Variants in SSBP4 observed in about 807,000 individuals in gnomAD.
SSBP4 encodes single stranded DNA binding protein 4.
A neutral mutation model predicts 64.6 loss-of-function variants in SSBP4; 33 were observed. The observed-to-expected ratio is 0.51, with a 90% CI of 0.39 to 0.68. The LOEUF (loss-of-function observed/expected upper bound fraction) is 0.68, where lower values mean the gene tolerates loss of function less well. Among genes scored for constraint, SSBP4 ranks in the 30% least tolerant of loss-of-function variants. SSBP4 has a pLI of 0.00. For missense variants in SSBP4, 583 were observed against 566.8 expected, an observed-to-expected ratio of 1.03 and a Z score of -0.29; for synonymous variants, 243 against 224.0, an observed-to-expected ratio of 1.08 and a Z score of -0.76.
At chr19:18,409,420 C>T in the SSBP4 span, among the ~76,000 whole-genome samples, 1 of 152,262 alleles carries the variant, frequency 6.6e-6, no homozygotes, top group East Asian at 1.9e-4. Context: ...CTCCTCAGCT[C>T]AGGCAATCTG....
chr19:18,422,137 G>A (rs916630633), intron 1 of SSBP4, among the ~76,000 whole-genome samples: 1 of 152,130 alleles, frequency 6.6e-6, no homozygotes, highest in Admixed American at 6.5e-5. Context: ...CTCCAGCCTG[G>A]GTGACAGGGC....
In SSBP4 at chr19:18,433,184, T is replaced by A; in HGVS notation, c.962T>A (p.Met321Lys). 1 of 1,585,602 alleles carries A rather than the reference T, an allele frequency of 6.3e-7. No individual in the cohort carries two copies. The highest frequency in any genetic ancestry group is 8.6e-7 in the Non-Finnish European group (1 of 1,166,634). The change falls in exon 15 of 18, where the codon ATG becomes AAG. Residue 321 changes from methionine (M) to lysine (K), a missense_variant. Coordinates refer to ENST00000270061, the MANE Select transcript of SSBP4 (RefSeq NM_032627.5). ...GGCCCCATGGCCGCCATGAGCGCGATGGAGCCTCACCACGTGAACGGATCC... is the reference window on the plus strand; with the variant it reads ...GGCCCCATGGCCGCCATGAGCGCGAAGGAGCCTCACCACGTGAACGGATCC... Reference protein sequence around the residue: ...PEGPMAAMSAMEPHHVNGSLG... With the variant: ...PEGPMAAMSAKEPHHVNGSLG...
upstream of SSBP4, among the ~76,000 whole-genome samples, chr19:18,418,256 G>A (rs907719929): frequency 2.6e-5 from 4 of 152,118 alleles, no homozygotes; most frequent in South Asian, 8.3e-4. The surrounding 1 kb of genome is among the most constrained non-coding windows in gnomAD (Gnocchi z 6.7). Context: ...GGCTTGCCTA[G>A]GAAAAAAGAG....
chr19:18,434,282 GCTT>G lies in SSBP4; in HGVS notation c.*39_*41del. 6.2e-7 allele frequency: 1 copy of G among 1,608,788 alleles called. No homozygotes were observed. Among genetic ancestry groups the G allele is most frequent in the Non-Finnish European group, 8.5e-7 (1 of 1,178,202 alleles). ...GCCCCGGGCCTCTCTGCGGGCCTAG[GCTT>G]CTGCCCAGCGCCCCTGCTCAGGGCG... On this transcript the variant is annotated 3_prime_UTR_variant, in exon 18 of 18. Transcript: ENST00000270061.
At position 18,431,853 on chromosome 19, in the gene SSBP4, C is replaced by T. The variant is rs780555728; in HGVS notation, c.556C>T (p.Arg186Ter). The change falls in exon 8 of 18, where the codon CGA becomes TGA. Residue 186 changes from arginine (R) to a stop codon, truncating the protein, a stop_gained. Coordinates refer to ENST00000270061, the MANE Select transcript of SSBP4 (RefSeq NM_032627.5). LOFTEE classifies it high-confidence loss of function. Reference protein sequence around the residue: ...LLPGAMEPSPRAQGHPSMGGP... With the variant: ...LLPGAMEPSP The stretch of plus-strand genomic sequence containing the variant: ...CCCTGGCGCCATGGAGCCCTCCCCA[C>T]GAGCCCAGGGTGAGTAGGGAAGCTC... 1 of 1,572,902 alleles carries T rather than the reference C, an allele frequency of 6.4e-7. No homozygotes were observed. The highest frequency in any genetic ancestry group is 8.6e-7 in the Non-Finnish European group (1 of 1,158,366).
chr19:18,416,657 C>A (rs764410390), upstream of SSBP4, among the ~76,000 whole-genome samples: 4 of 152,258 alleles, frequency 2.6e-5, no homozygotes, highest in East Asian at 1.9e-4. Flanking sequence ...CCGGCCACGG[C>A]TGCTTCCTGG....
At chr19:18,432,463 C>A in intron 10 of SSBP4, 96 bp from the exon 11 acceptor site, 1 of 1,490,360 alleles carries the variant, frequency 6.7e-7, no homozygotes, top group East Asian at 2.3e-5. Context: ...TGTGGTCGGT[C>A]TGGGGATACA....
the SSBP4 span, among the ~76,000 whole-genome samples, chr19:18,405,465 A>G: frequency 6.8e-6 from 1 of 147,616 alleles, no homozygotes; most frequent in Non-Finnish European, 1.5e-5. Flanking sequence ...GTTCAAGACC[A>G]GCCTGGGCAA....
chr19:18,408,712 C>T, the SSBP4 span, among the ~76,000 whole-genome samples: 9 of 152,168 alleles, frequency 5.9e-5, no homozygotes, highest in East Asian at 7.7e-4. Flanking sequence ...AGGCTGGTCT[C>T]GAACCTGATC....
In SSBP4 at chr19:18,423,095, G is replaced by A. The variant is rs191733854; in HGVS notation, c.59+3388G>A. ...TGCAGGGGCAGCAGAGTGGGCTGAG[G>A]GAGGCTGGGGTCTGAGTGGGCCACT... On this transcript the variant is annotated intron_variant, in intron 1 of 17. Transcript: ENST00000270061. This position sits in a 1 kb window ranked among gnomAD's most constrained non-coding sequence, Gnocchi z 4.0. 1.9e-4 allele frequency among the ~76,000 whole-genome samples: 29 copies of A among 152,342 alleles called. No individual in the cohort carries two copies. The highest frequency in any genetic ancestry group is 6.7e-4 in the African/African-American group (28 of 41,584).
rs190023150 is a variant in SSBP4 at position 18,424,098 on chromosome 19, C to T, written c.60-3253C>T. ...CACAGTTCTTCCCTGGAGACTGAATCCTGTTTAAAATAAAAGGACCAATGT... is the reference window on the plus strand; with the variant it reads ...CACAGTTCTTCCCTGGAGACTGAATTCTGTTTAAAATAAAAGGACCAATGT... On this transcript the variant is annotated intron_variant, in intron 1 of 17. Transcript: ENST00000270061. Among the ~76,000 whole-genome samples, 517 of 152,326 alleles carry T rather than the reference C, an allele frequency of 3.4e-3. 2 individuals are homozygous for T. The highest frequency in any genetic ancestry group is 4.3e-3 in the Non-Finnish European group (292 of 68,022).
intron 4 of SSBP4, among the ~76,000 whole-genome samples, chr19:18,430,279 C>T (rs937521634): frequency 2.0e-5 from 3 of 152,032 alleles, no homozygotes; most frequent in African/African-American, 7.2e-5. Context: ...AGGTCTAGAA[C>T]TTGGTCCCCG....
intron 4 of SSBP4, among the ~76,000 whole-genome samples, chr19:18,429,704 G>C (rs1002531055): frequency 2.8e-4 from 42 of 152,282 alleles, no homozygotes; most frequent in African/African-American, 9.9e-4. Context: ...CTGGAAGTTT[G>C]GAACTGAGAA....
chr19:18,424,679 T>C (rs901266655), intron 1 of SSBP4, among the ~76,000 whole-genome samples: 1 of 150,922 alleles, frequency 6.6e-6, no homozygotes, highest in African/African-American at 2.4e-5. Flanking sequence ...CTGGCCCAGG[T>C]GTGCAGTGGA....
At chr19:18,404,996 C>G in the SSBP4 span, among the ~76,000 whole-genome samples, 12 of 149,834 alleles carry the variant, frequency 8.0e-5, no homozygotes, top group South Asian at 2.1e-4. Context: ...CCCCCCCCCC[C>G]GCGAAAGAAA....
chr19:18,428,051 T>TGGGGGGGGCGGGGGGGG, intron 4 of SSBP4, 69 bp downstream of exon 4: 8 of 496,530 alleles, frequency 1.6e-5, no homozygotes, highest in East Asian at 4.5e-5. Context: ...GCTGGGGAGG[T>TGGGGGGGGCGGGGGGGG]GGGGTGGGGG....
In SSBP4 at chr19:18,431,783, C is replaced by G; in HGVS notation, c.496-10C>G. 6.5e-7 allele frequency: 1 copy of G among 1,547,212 alleles called. No individual in the cohort carries two copies. ...ACCCCACACTCAGTGCCGCCGCACC[C>G]CCTCCGCAGCCTCCCGCAGGCCTCC... On this transcript the variant is annotated splice_polypyrimidine_tract_variant and intron_variant, in intron 7 of 17. Coordinates refer to ENST00000270061, the MANE Select transcript of SSBP4 (RefSeq NM_032627.5).
In SSBP4 at chr19:18,423,615, C is replaced by T. The variant is rs1450003449; in HGVS notation, c.60-3736C>T. Among the ~76,000 whole-genome samples, 3 of 152,148 alleles carry T rather than the reference C, an allele frequency of 2.0e-5. No individual in the cohort carries two copies. Among genetic ancestry groups the T allele is most frequent in the Non-Finnish European group, 2.9e-5 (2 of 68,024 alleles). On this transcript the variant is annotated intron_variant, in intron 1 of 17. Transcript: ENST00000270061. This position sits in a 1 kb window ranked among gnomAD's most constrained non-coding sequence, Gnocchi z 4.0. ...CATTCTGGGTAATTATGGTAACTCG[C>T]GTCATTACGGTGGTAGCTGTGGTAC...
intron 15 of SSBP4, 169 bp from the exon 16 acceptor site, chr19:18,433,416 C>T (rs1973655344): frequency 9.1e-6 from 12 of 1,315,570 alleles, no homozygotes; most frequent in Non-Finnish European, 1.3e-5. Context: ...ACCGCCCCTC[C>T]CCCCCAGGCC....
Sources: allele counts gnomAD v4.1 joint callset (sites outside exome capture counted in the v4.1 genomes callset), GRCh38; gene constraint gnomAD v4.1.1; non-coding constraint Gnocchi (gnomAD v3.1); transcripts MANE v1.5; gene names NCBI Gene and HGNC (gene_info 2026-07-23, HGNC 2026-07-21).